Variants in SMAD3 observed in about 807,000 individuals in gnomAD.
SMAD3 encodes MAD homolog 3.
SMAD3 carries 12 observed loss-of-function variants against 51.8 expected under a neutral mutation model. That is an observed-to-expected ratio of 0.23 (90% CI 0.15 to 0.38). The LOEUF (loss-of-function observed/expected upper bound fraction) is 0.38. Among genes scored for constraint, SMAD3 ranks in the 10% least tolerant of loss-of-function variants. SMAD3 has a pLI of 1.00. For synonymous variants in SMAD3, 238 were observed against 227.7 expected (o/e 1.05, Z -0.41); for missense variants, 294 against 565.6 (o/e 0.52, Z 4.87).
intron 1 of SMAD3, among the ~76,000 whole-genome samples, chr15:67,093,254 T>C (rs1960546332): frequency 6.6e-6 from 1 of 152,206 alleles, no homozygotes; most frequent in African/African-American, 2.4e-5. Context: ...GTAAAACCTC[T>C]ATGTTGATGC....
At chr15:67,170,908 AG>A (rs1962734140) in intron 5 of SMAD3, among the ~76,000 whole-genome samples, 1 of 152,272 alleles carries the variant, frequency 6.6e-6, no homozygotes, top group Non-Finnish European at 1.5e-5. Context: ...GTCTGTGGTC[AG>A]CTAAGCATAC....
chr15:67,167,256 G>A (rs1962616939), intron 4 of SMAD3, among the ~76,000 whole-genome samples: 1 of 152,202 alleles, frequency 6.6e-6, no homozygotes, highest in Non-Finnish European at 1.5e-5. Context: ...CAGAGTCATG[G>A]GGGTTGGGCA....
chr15:67,073,038 C>T (rs547439755), intron 1 of SMAD3, among the ~76,000 whole-genome samples: 10 of 152,158 alleles, frequency 6.6e-5, no homozygotes, highest in Non-Finnish European at 1.3e-4. Context: ...GCTTCTAGTC[C>T]ACTGGCTGTG....
At chr15:67,167,634 TTGTGTGACAACCACATGTGATG>T (rs1962627157) in intron 4 of SMAD3, among the ~76,000 whole-genome samples, 1 of 152,182 alleles carries the variant, frequency 6.6e-6, no homozygotes, top group South Asian at 2.1e-4. Flanking sequence ...GCCAGTATTT[TTGTGTGACAACCACATGTGATG>T]TGTGTGCTCC....
At chr15:67,148,565 GC>G (rs1566984866) in intron 1 of SMAD3, among the ~76,000 whole-genome samples, 1 of 152,168 alleles carries the variant, frequency 6.6e-6, no homozygotes. Context: ...GCACTTCCCC[GC>G]TGGTTGCTTT....
At chr15:67,190,280 C>T (rs913499372) in intron 8 of SMAD3, 133 bp from the exon 9 acceptor site, 9 of 806,110 alleles carry the variant, frequency 1.1e-5, no homozygotes, top group African/African-American at 1.0e-4. Context: ...TTACTGGTAC[C>T]GCTTCTAGGA....
chr15:67,136,822 G>A (rs1961676544), intron 1 of SMAD3, among the ~76,000 whole-genome samples: 1 of 152,188 alleles, frequency 6.6e-6, no homozygotes, highest in South Asian at 2.1e-4. Context: ...ATCCCCCCAA[G>A]GGCAGAGGAT....
chr15:67,195,143 C>G lies in SMAD3; in HGVS notation c.*4607C>G, dbSNP rs1375587469. 1 of 232,786 alleles carries G rather than the reference C, an allele frequency of 4.3e-6. No individual in the cohort carries two copies. The highest frequency in any genetic ancestry group is 8.5e-6 in the Non-Finnish European group (1 of 117,472). The allele number at this position is 232,786 out of a possible 1,614,324, so 14.4% of individuals were successfully genotyped here. On this transcript the variant is annotated 3_prime_UTR_variant, in exon 9 of 9. Transcript: ENST00000327367. The stretch of plus-strand genomic sequence containing the variant: ...ATTCCCTCTCTTCCTCTTGTAAGTG[C>G]CCTTCTAATAAACTTTTCATGGAAA...
intron 1 of SMAD3, among the ~76,000 whole-genome samples, chr15:67,155,144 A>C (rs1484630386): frequency 1.3e-5 from 2 of 152,260 alleles, no homozygotes; most frequent in Non-Finnish European, 2.9e-5. Flanking sequence ...CAGCTGTCAC[A>C]GTTCTCCAAA....
At position 67,066,101 on chromosome 15, in the gene SMAD3, T is replaced by G. The variant is rs2140188536; in HGVS notation, c.-54T>G. On this transcript the variant is annotated 5_prime_UTR_variant, in exon 1 of 9. Transcript: ENST00000327367. ...TCCCCTCTGCGCCCCCGGCGTCCCG[T>G]CGAGCCCAGCCCCGCCGGGGGCGCT... 1.4e-6 allele frequency: 2 copies of G among 1,430,522 alleles called. No homozygotes were observed. The highest frequency in any genetic ancestry group is 9.6e-7 in the Non-Finnish European group (1 of 1,044,446). The allele number at this position is 1,430,522 out of a possible 1,614,324, so 88.6% of individuals were successfully genotyped here.
intron 1 of SMAD3, among the ~76,000 whole-genome samples, chr15:67,154,418 C>T (rs953141022): frequency 2.0e-5 from 3 of 152,326 alleles, no homozygotes; most frequent in African/African-American, 7.2e-5. Context: ...CATTCAAAAA[C>T]ATGCTTAGCA....
At chr15:67,173,339 A>G (rs1962803809) in intron 5 of SMAD3, among the ~76,000 whole-genome samples, 1 of 152,034 alleles carries the variant, frequency 6.6e-6, no homozygotes, top group African/African-American at 2.4e-5. Flanking sequence ...CAGAAGAGGG[A>G]GGAATAGTAT....
At chr15:67,096,762 C>T (rs7181863) in intron 1 of SMAD3, among the ~76,000 whole-genome samples, 2,557 of 152,166 alleles carry the variant, frequency 0.017, 71 homozygotes, top group African/African-American at 0.059. Flanking sequence ...TGGTCTTGCA[C>T]GTGCAGCCTC....
rs1413853463 is a variant in SMAD3, at chr15:67,191,138, T to C, written c.*602T>C. 4.6e-6 allele frequency: 1 copy of C among 216,304 alleles called. No homozygotes were observed. The allele number at this position is 216,304 out of a possible 1,614,324, so 13.4% of individuals were successfully genotyped here. A position where few individuals can be genotyped will look rare whatever the true frequency, so the allele number is the denominator to read the frequency against. On this transcript the variant is annotated 3_prime_UTR_variant, in exon 9 of 9. Transcript: ENST00000327367. ...GAGTTTTGTCTGTCTCCCTCCCCTC[T>C]CAGAACATACTGATTGGGAGGTGCG...
intron 1 of SMAD3, among the ~76,000 whole-genome samples, chr15:67,074,764 A>G (rs1960132388): frequency 6.6e-6 from 1 of 152,102 alleles, no homozygotes; most frequent in South Asian, 2.1e-4. Flanking sequence ...ATCTCAGCTC[A>G]CTGCAACCTC....
chr15:67,177,368 C>A (rs988029482), intron 5 of SMAD3, among the ~76,000 whole-genome samples: 8 of 149,358 alleles, frequency 5.4e-5, no homozygotes, highest in South Asian at 2.1e-4. Flanking sequence ...TGGTACTAAC[C>A]AGGGTAAGGA....
intron 5 of SMAD3, among the ~76,000 whole-genome samples, chr15:67,175,138 A>G (rs529605278): frequency 1.3e-5 from 2 of 152,166 alleles, no homozygotes; most frequent in Non-Finnish European, 2.9e-5. Flanking sequence ...GCAGGTGGAG[A>G]GAGGAAAAAG....
chr15:67,183,700 G>A (rs1220525051), intron 6 of SMAD3, among the ~76,000 whole-genome samples: 3 of 152,146 alleles, frequency 2.0e-5, no homozygotes, highest in African/African-American at 7.2e-5. Flanking sequence ...GCAGGAGAAG[G>A]GACCATCCCC....
chr15:67,068,754 T>G (rs1959984334), intron 1 of SMAD3, among the ~76,000 whole-genome samples: 2 of 152,188 alleles, frequency 1.3e-5, no homozygotes, highest in Non-Finnish European at 2.9e-5. Flanking sequence ...TTGTGTCCCT[T>G]GGCAACAGCT....
Sources: allele counts gnomAD v4.1 joint callset (sites outside exome capture counted in the v4.1 genomes callset), GRCh38; gene constraint gnomAD v4.1.1; transcripts MANE v1.5; gene names NCBI Gene and HGNC (gene_info 2026-07-23, HGNC 2026-07-21).